The following HEBP1 variants were observed in gnomAD, a reference collection of about 807,000 sequenced individuals.
The protein encoded by HEBP1 is heme-binding protein 1.
In HEBP1, 13 loss-of-function variants were observed where a neutral mutation model predicts 20.4. The observed-to-expected ratio is 0.64, with a 90% CI of 0.42 to 1.01. The LOEUF is 1.01. Ranked by LOEUF, HEBP1 falls within the 50% of genes least tolerant of loss-of-function variation. HEBP1 has a pLI of 0.00. For missense variants in HEBP1, 241 were observed against 247.3 expected (o/e 0.97, Z 0.17); for synonymous variants, 92 against 90.7 (o/e 1.01, Z -0.08).
chr12:12,987,393 G>T, intron 2 of HEBP1, 61 bp from the exon 3 acceptor site: 1 of 1,349,064 alleles, frequency 7.4e-7, no homozygotes, highest in Non-Finnish European at 1.0e-6. Context: ...TCAGGGCTGT[G>T]GAAGACACAT....
At position 12,980,778 on chromosome 12, in the gene HEBP1, A is replaced by AT. The variant is rs1864070485; in HGVS notation, c.399-5300dup. ...AGGGTGGTCAGTGCCATCACAGGGC[A>AT]TTTTTACTAGGCTTTACTGCCTGGT... On this transcript the variant is annotated intron_variant, in intron 3 of 3. Coordinates refer to ENST00000014930, the MANE Select transcript of HEBP1 (RefSeq NM_015987.5). 3.9e-5 allele frequency among the ~76,000 whole-genome samples: 6 copies of AT among 152,330 alleles called. No homozygotes were observed. The South Asian group carries it at 1.2e-3, about 32-fold the overall frequency.
intron 1 of HEBP1, among the ~76,000 whole-genome samples, chr12:12,999,235 T>G (rs1055018621): frequency 2.6e-5 from 4 of 152,236 alleles, no homozygotes; most frequent in African/African-American, 9.6e-5. Context: ...ATCTACTACG[T>G]TTTTTCCTAT....
At chr12:12,975,731 A>C (rs567870132) in intron 3 of HEBP1, among the ~76,000 whole-genome samples, 1 of 148,498 alleles carries the variant, frequency 6.7e-6, no homozygotes, top group South Asian at 2.1e-4. Context: ...GGACGTGAAA[A>C]ACTCTAATGC....
Position 12,986,796 on chromosome 12 carries a change from G to A in HEBP1, c.398+356C>T, listed in dbSNP as rs1378582867. On this transcript the variant is annotated intron_variant, in intron 3 of 3. Transcript: ENST00000014930. The surrounding 1 kb of genome is among the most constrained non-coding windows in gnomAD (Gnocchi z 4.3). ...TGGGGTAGAAATCAGGTATTCCTCAGCCCTTTATGCTTCCCATGTGTCCAC... is the reference window on the plus strand; with the variant it reads ...TGGGGTAGAAATCAGGTATTCCTCAACCCTTTATGCTTCCCATGTGTCCAC... 5.6e-6 allele frequency: 1 copy of A among 180,128 alleles called. No homozygotes were observed. 11.2% of individuals were successfully genotyped at this position (180,128 alleles called of 1,614,324 possible).
At chr12:12,990,969 C>A (rs1864218182) in intron 1 of HEBP1, among the ~76,000 whole-genome samples, 1 of 152,150 alleles carries the variant, frequency 6.6e-6, no homozygotes, top group Non-Finnish European at 1.5e-5. Context: ...CCCATGATTC[C>A]ATCTCCAACC....
At chr12:12,987,635 T>TCTC in intron 2 of HEBP1, among the ~76,000 whole-genome samples, 1 of 151,530 alleles carries the variant, frequency 6.6e-6, no homozygotes, top group South Asian at 2.1e-4. Context: ...TCTCTCTCTC[T>TCTC]TTCTTTCTTT....
chr12:12,999,379 A>G (rs1392173715), intron 1 of HEBP1, among the ~76,000 whole-genome samples: 1 of 152,216 alleles, frequency 6.6e-6, no homozygotes, highest in African/African-American at 2.4e-5. Context: ...TTACTAAGTA[A>G]AATAAGGGTT....
In HEBP1 at chr12:12,986,106, C is replaced by A. The variant is rs1014586842; in HGVS notation, c.398+1046G>T. On this transcript the variant is annotated intron_variant, in intron 3 of 3. Transcript: ENST00000014930. The surrounding 1 kb of genome is among the most constrained non-coding windows in gnomAD (Gnocchi z 4.3). The stretch of plus-strand genomic sequence containing the variant: ...TTAAGTTAATTTGCTTTCTCCACAC[C>A]CTCTGAAGGGAAGCTGGGAAGTCTG... 2 of 152,192 alleles carry A rather than the reference C, an allele frequency of 1.3e-5. No individual in the cohort carries two copies. Among genetic ancestry groups the A allele is most frequent in the Non-Finnish European group, 2.9e-5 (2 of 68,054 alleles). 9.4% of individuals were successfully genotyped at this position (152,192 alleles called of 1,614,324 possible). A position where few individuals can be genotyped will look rare whatever the true frequency, so the allele number is the denominator to read the frequency against.
intron 1 of HEBP1, among the ~76,000 whole-genome samples, chr12:12,994,326 G>A (rs1487836806): frequency 1.3e-4 from 20 of 152,230 alleles, no homozygotes; most frequent in Admixed American, 1.3e-3. Context: ...TGTTGTGGGA[G>A]TTGGATTTTG....
intron 1 of HEBP1, among the ~76,000 whole-genome samples, chr12:12,992,618 GT>G (rs946583469): frequency 1.1e-4 from 16 of 152,210 alleles, no homozygotes; most frequent in Non-Finnish European, 1.9e-4. Context: ...AGCCTTGACT[GT>G]GGGGCACCGT....
rs1230717933 is a variant in HEBP1, at chr12:12,986,074, G to A, written c.398+1078C>T. 1 of 152,232 alleles carries A rather than the reference G, an allele frequency of 6.6e-6. No homozygotes were observed. The highest frequency in any genetic ancestry group is 2.4e-5 in the African/African-American group (1 of 41,446). 9.4% of individuals were successfully genotyped at this position (152,232 alleles called of 1,614,324 possible). On this transcript the variant is annotated intron_variant, in intron 3 of 3. Coordinates refer to ENST00000014930, the MANE Select transcript of HEBP1 (RefSeq NM_015987.5). This position sits in a 1 kb window ranked among gnomAD's most constrained non-coding sequence, Gnocchi z 4.3. ...AAGGTGCATCTCCACCCTAGGAAAA[G>A]ATATTGTTAAGTTAATTTGCTTTCT...
Position 12,989,412 on chromosome 12 carries a change from C to A in HEBP1, c.82G>T (p.Glu28Ter), listed in dbSNP as rs777107379. The change falls in exon 2 of 4, where the codon GAA becomes TAA. Residue 28 changes from glutamate (E) to a stop codon, truncating the protein, a stop_gained. Transcript: ENST00000014930. LOFTEE classifies it high-confidence loss of function. ...WQVLSKGDKEEVAYEERACEG... is the reference protein window; with the variant it reads ...WQVLSKGDKE ...CAGGCCCTTTCTTCATAGGCAACTT[C>A]TTCCTAGAGAGAGAGAAGGTACAGT... 5.0e-6 allele frequency: 8 copies of A among 1,614,136 alleles called. No homozygotes were observed. In the South Asian group the frequency reaches 5.5e-5, roughly 11 times the overall value.
chr12:12,997,544 T>C (rs1565495301), intron 1 of HEBP1, among the ~76,000 whole-genome samples: 1 of 152,056 alleles, frequency 6.6e-6, no homozygotes. Context: ...TCTGATGGGG[T>C]GGAGAAGGAG....
intron 3 of HEBP1, among the ~76,000 whole-genome samples, chr12:12,976,139 G>C (rs951857028): frequency 6.7e-6 from 1 of 148,426 alleles, no homozygotes; most frequent in Non-Finnish European, 1.5e-5. Flanking sequence ...AAATCTCAGA[G>C]CTAACAAAGG....
At chr12:12,993,141 CCCTCCCTT>C (rs1184487576) in intron 1 of HEBP1, among the ~76,000 whole-genome samples, 3 of 102,288 alleles carry the variant, frequency 2.9e-5, no homozygotes, top group Non-Finnish European at 4.0e-5. Flanking sequence ...CTCCCTCCCT[CCCTCCCTT>C]CCTTCCTTCC....
At chr12:12,984,144 G>GTAAA (rs969434143) in intron 3 of HEBP1, 100 of 158,236 alleles carry the variant, frequency 6.3e-4, no homozygotes, top group African/African-American at 2.4e-3. Context: ...CTGAAAACTG[G>GTAAA]TAAATAAAGA....
intron 2 of HEBP1, among the ~76,000 whole-genome samples, chr12:12,988,027 C>A (rs912508444): frequency 1.3e-5 from 2 of 152,110 alleles, no homozygotes; most frequent in Admixed American, 6.5e-5. Context: ...ATTATAAATT[C>A]TGTTCAAAAC....
intron 3 of HEBP1, among the ~76,000 whole-genome samples, chr12:12,982,830 A>G (rs1198132011): frequency 6.6e-6 from 1 of 152,222 alleles, no homozygotes; most frequent in African/African-American, 2.4e-5. Context: ...AACTTGATCA[A>G]ATTCTCAAAG....
intron 1 of HEBP1, among the ~76,000 whole-genome samples, chr12:12,990,700 A>G (rs1044521711): frequency 6.6e-6 from 1 of 152,214 alleles, no homozygotes; most frequent in Non-Finnish European, 1.5e-5. Flanking sequence ...CTGACTTTGC[A>G]GGACTAACAA....
Sources: gnomAD v4.1 joint callset for allele counts (sites outside exome capture counted in the v4.1 genomes callset) on GRCh38, gnomAD v4.1.1 for gene constraint, Gnocchi (gnomAD v3.1) non-coding constraint, MANE v1.5 for transcripts, NCBI Gene and HGNC (gene_info 2026-07-23, HGNC 2026-07-21) for gene names.